Variants in TAFA2 observed in about 807,000 individuals in gnomAD.
The protein encoded by TAFA2 is chemokine-like protein TAFA-2.
In TAFA2, 7 loss-of-function variants were observed where a neutral mutation model predicts 18.8. The observed-to-expected ratio is 0.37, with a 90% CI of 0.21 to 0.70. The LOEUF (loss-of-function observed/expected upper bound fraction) is 0.70, where lower values mean the gene tolerates loss of function less well. Ranked by LOEUF, TAFA2 falls within the 30% of genes least tolerant of loss-of-function variation. The pLI is 0.53. For synonymous variants in TAFA2, 60 were observed against 54.2 expected, an observed-to-expected ratio of 1.11 and a Z score of -0.47; for missense variants, 122 against 158.1, an observed-to-expected ratio of 0.77 and a Z score of 1.23.
intron 1 of TAFA2, among the ~76,000 whole-genome samples, chr12:61,903,905 C>T (rs928322530): frequency 2.6e-5 from 4 of 152,104 alleles, no homozygotes; most frequent in African/African-American, 7.2e-5. Context: ...AGTTATCTGC[C>T]TTTCCAGACA....
rs568915095 is a variant in TAFA2 at position 62,035,330 on chromosome 12, G to A, written c.-2+155929C>T. On this transcript the variant is annotated intron_variant, in intron 1 of 4. Transcript: ENST00000416284. Reference sequence around the variant, plus strand: ...GGGAAAGATAAGATACAAACAACCAGTTACACAATGAATTATTTAATTAGA... The same window carrying A: ...GGGAAAGATAAGATACAAACAACCAATTACACAATGAATTATTTAATTAGA... Among the ~76,000 whole-genome samples the A allele has an allele frequency of 2.5e-4, 38 of 152,256 alleles. No individual in the cohort carries two copies. The East Asian group carries it at 5.2e-3, about 21-fold the overall frequency.
At chr12:61,745,223 C>A (rs1241800442) in intron 4 of TAFA2, among the ~76,000 whole-genome samples, 1 of 152,090 alleles carries the variant, frequency 6.6e-6, no homozygotes, top group Non-Finnish European at 1.5e-5. Flanking sequence ...AAAACTTGCT[C>A]TTCCCACAGT....
chr12:62,084,681 A>G (rs1047429487), intron 1 of TAFA2, among the ~76,000 whole-genome samples: 1 of 152,168 alleles, frequency 6.6e-6, no homozygotes, highest in African/African-American at 2.4e-5. Context: ...AGAGGTAAAA[A>G]CTGGACAAAG....
intron 1 of TAFA2, among the ~76,000 whole-genome samples, chr12:61,950,512 T>C (rs560814798): frequency 1.3e-5 from 2 of 152,104 alleles, no homozygotes; most frequent in South Asian, 4.1e-4. Context: ...TGACGATTAG[T>C]GATGTTAAGC....
At chr12:62,225,610 T>C (rs1460132235) in intron 1 of TAFA2, among the ~76,000 whole-genome samples, 1 of 152,048 alleles carries the variant, frequency 6.6e-6, no homozygotes, top group Non-Finnish European at 1.5e-5. Context: ...ATTTTCCTTA[T>C]ATAGTAAAGA....
chr12:62,019,973 TCA>T (rs1881075691), intron 1 of TAFA2, among the ~76,000 whole-genome samples: 1 of 152,198 alleles, frequency 6.6e-6, no homozygotes, highest in Non-Finnish European at 1.5e-5. Context: ...TGCTCAACAT[TCA>T]GACTACCTCA....
chr12:61,895,541 A>G (rs1431843968), intron 1 of TAFA2, among the ~76,000 whole-genome samples: 1 of 152,156 alleles, frequency 6.6e-6, no homozygotes, highest in Non-Finnish European at 1.5e-5. Flanking sequence ...AGCAAGCACA[A>G]ATACAGTGTG....
At chr12:61,888,783 CAT>C (rs1380221391) in intron 1 of TAFA2, among the ~76,000 whole-genome samples, 1 of 152,332 alleles carries the variant, frequency 6.6e-6, no homozygotes, top group Non-Finnish European at 1.5e-5. Context: ...AGTGGACTGA[CAT>C]GTGGTAATTG....
chr12:61,961,197 A>G (rs980075614), intron 1 of TAFA2, among the ~76,000 whole-genome samples: 3 of 151,748 alleles, frequency 2.0e-5, no homozygotes, highest in Non-Finnish European at 4.4e-5. Flanking sequence ...ATCTCTGAGA[A>G]CTCACTCACT....
rs2062222403 is a variant in TAFA2, at chr12:62,139,315, T to A, written c.-2+51944A>T. On this transcript the variant is annotated intron_variant, in intron 1 of 4. Coordinates refer to ENST00000416284, the MANE Select transcript of TAFA2 (RefSeq NM_178539.5). ...AAATGAGTACACCTTACTGAATTAC[T>A]GAATGTTATAAAATGCTTAAGTATT... Among the ~76,000 whole-genome samples the A allele has an allele frequency of 1.3e-5, 2 of 152,222 alleles. 1 individual carries two copies. The highest frequency in any genetic ancestry group is 4.1e-4 in the South Asian group (2 of 4,838).
intron 1 of TAFA2, among the ~76,000 whole-genome samples, chr12:62,099,369 A>C (rs1001522449): frequency 6.6e-6 from 1 of 152,216 alleles, no homozygotes; most frequent in African/African-American, 2.4e-5. Flanking sequence ...TAGCACTGAC[A>C]ATAAATAAAA....
chr12:61,773,708 A>G (rs572574566), intron 2 of TAFA2, among the ~76,000 whole-genome samples: 2 of 152,208 alleles, frequency 1.3e-5, no homozygotes, highest in African/African-American at 4.8e-5. Flanking sequence ...TTAACTCAAG[A>G]TGAGTCAAAG....
At chr12:61,973,121 C>T (rs904348485) in intron 1 of TAFA2, among the ~76,000 whole-genome samples, 6 of 151,528 alleles carry the variant, frequency 4.0e-5, no homozygotes. Context: ...TTTTTATACA[C>T]CTGTCAAAAA....
chr12:62,152,334 A>G (rs1468463305), intron 1 of TAFA2, among the ~76,000 whole-genome samples: 1 of 152,058 alleles, frequency 6.6e-6, no homozygotes, highest in African/African-American at 2.4e-5. Context: ...GCATAAGAAA[A>G]CCCCCAGGAA....
At chr12:61,807,352 T>C (rs1197383808) in intron 2 of TAFA2, among the ~76,000 whole-genome samples, 1 of 151,312 alleles carries the variant, frequency 6.6e-6, no homozygotes, top group Non-Finnish European at 1.5e-5. Flanking sequence ...ACGTCAAGAA[T>C]TGAAGTTTGG....
At chr12:62,158,793 C>G (rs1013335714) in intron 1 of TAFA2, among the ~76,000 whole-genome samples, 1 of 152,130 alleles carries the variant, frequency 6.6e-6, no homozygotes, top group Non-Finnish European at 1.5e-5. Flanking sequence ...AAAAGCAAAA[C>G]AGAATGTTAA....
intron 1 of TAFA2, among the ~76,000 whole-genome samples, chr12:62,056,790 C>A (rs964847932): frequency 2.0e-4 from 31 of 152,210 alleles, no homozygotes; most frequent in African/African-American, 6.5e-4. Flanking sequence ...CCAACTACTG[C>A]ATTCACTAGG....
intron 1 of TAFA2, among the ~76,000 whole-genome samples, chr12:61,876,026 G>A (rs762524223): frequency 5.9e-5 from 9 of 151,852 alleles, no homozygotes; most frequent in Non-Finnish European, 1.2e-4. Flanking sequence ...GATTATATAT[G>A]GTAAAAAGAG....
chr12:62,065,882 C>T lies in TAFA2; in HGVS notation c.-2+125377G>A, dbSNP rs1023586778. On this transcript the variant is annotated intron_variant, in intron 1 of 4. Coordinates refer to ENST00000416284, the MANE Select transcript of TAFA2 (RefSeq NM_178539.5). ...GCATGTCAGCTGCAGAACACACCAA[C>T]AGCCTCCAGAGCCATACCACTTTAT... Among the ~76,000 whole-genome samples the T allele has an allele frequency of 4.7e-4, 71 of 152,026 alleles. 1 individual carries two copies. The highest frequency in any genetic ancestry group is 1.3e-3 in the African/African-American group (56 of 41,528).
Sources: allele counts gnomAD v4.1 joint callset (sites outside exome capture counted in the v4.1 genomes callset), GRCh38; gene constraint gnomAD v4.1.1; transcripts MANE v1.5; gene names NCBI Gene and HGNC (gene_info 2026-07-23, HGNC 2026-07-21).